RALGAPA1: variants seen among roughly 807,000 people sequenced by gnomAD.
The protein encoded by RALGAPA1 is Ral GTPase activating protein catalytic subunit alpha 1, also known as ral GTPase-activating protein subunit alpha-1.
RALGAPA1 carries 52 observed loss-of-function variants against 269.6 expected under a neutral mutation model. That is an observed-to-expected ratio of 0.19 (90% CI 0.15 to 0.24). RALGAPA1 has a LOEUF of 0.24. RALGAPA1 is among the 10% of genes least tolerant of loss of function. RALGAPA1 has a pLI of 1.00. For missense variants in RALGAPA1, 1,917 were observed against 3,013.9 expected, an observed-to-expected ratio of 0.64 and a Z score of 8.52; for synonymous variants, 817 against 1,008.3, an observed-to-expected ratio of 0.81 and a Z score of 3.60.
chr14:35,725,063 A>AT lies in RALGAPA1; in HGVS notation c.1826dup (p.Asn609LysfsTer36), dbSNP rs748033282. The AT allele has an allele frequency of 1.9e-5, 31 of 1,603,360 alleles. No individual in the cohort carries two copies. Among genetic ancestry groups the AT allele is most frequent in the Admixed American group, 8.5e-5 (5 of 58,738 alleles). Reference sequence around the variant, plus strand: ...CTGCAAGTCGACCTGCCAAGGTCATATTTTTTTTCCCTTGGAACTGTAGAA... The same window carrying AT: ...CTGCAAGTCGACCTGCCAAGGTCATATTTTTTTTTCCCTTGGAACTGTAGAA... On this transcript the variant is annotated frameshift_variant, in exon 14 of 42. Coordinates refer to ENST00000680220, the MANE Select transcript of RALGAPA1 (RefSeq NM_001346249.2). LOFTEE classifies it high-confidence loss of function.
chr14:35,583,801 T>G (rs1308461583), intron 37 of RALGAPA1, among the ~76,000 whole-genome samples: 1 of 152,138 alleles, frequency 6.6e-6, no homozygotes, highest in Non-Finnish European at 1.5e-5. Context: ...GAGTGAAATA[T>G]TTAAAGTATT....
At chr14:35,568,891 T>C (rs2056934317) in intron 39 of RALGAPA1, among the ~76,000 whole-genome samples, 1 of 152,236 alleles carries the variant, frequency 6.6e-6, no homozygotes, top group African/African-American at 2.4e-5. Flanking sequence ...TCTTTTCAAT[T>C]GATAAATCTC....
intron 37 of RALGAPA1, among the ~76,000 whole-genome samples, chr14:35,593,595 T>C (rs1457851297): frequency 3.3e-5 from 5 of 152,098 alleles, no homozygotes; most frequent in Admixed American, 2.6e-4. Flanking sequence ...CTGGGCACAG[T>C]GGCTTACACC....
intron 37 of RALGAPA1, among the ~76,000 whole-genome samples, chr14:35,574,622 T>C (rs1179937078): frequency 6.6e-6 from 1 of 152,186 alleles, no homozygotes; most frequent in Non-Finnish European, 1.5e-5. Context: ...TGTTTTTATA[T>C]CTTTAAAATC....
chr14:35,792,722 G>A (rs2076264215), intron 1 of RALGAPA1, among the ~76,000 whole-genome samples: 1 of 149,800 alleles, frequency 6.7e-6, no homozygotes, highest in Non-Finnish European at 1.5e-5. Flanking sequence ...AGTAGAGGTT[G>A]CAGTGAGCTC....
chr14:35,663,246 T>C (rs1014352180), intron 27 of RALGAPA1, among the ~76,000 whole-genome samples: 5 of 152,068 alleles, frequency 3.3e-5, no homozygotes, highest in African/African-American at 1.2e-4. Flanking sequence ...TAGGGTACGA[T>C]GATATAGCAA....
chr14:35,625,500 C>T lies in RALGAPA1; in HGVS notation c.6858-68G>A. The T allele has an allele frequency of 4.4e-6, 5 of 1,147,326 alleles. No individual in the cohort carries two copies. In the South Asian group the frequency reaches 5.8e-5, roughly 13 times the overall value. 71.1% of individuals were successfully genotyped at this position (1,147,326 alleles called of 1,614,324 possible). ...GAATGACAAGACAGTCCCGGAAATA[C>T]TTTCCACTCTACTCATGCAACTTTT... On this transcript the variant is annotated intron_variant, in intron 34 of 41. Coordinates refer to ENST00000680220, the MANE Select transcript of RALGAPA1 (RefSeq NM_001346249.2).
intron 26 of RALGAPA1, among the ~76,000 whole-genome samples, chr14:35,668,288 G>C (rs990080827): frequency 2.6e-5 from 4 of 152,168 alleles, no homozygotes; most frequent in Non-Finnish European, 5.9e-5. Flanking sequence ...TTCAAGACCA[G>C]CCTGGCCAAA....
At position 35,689,324 on chromosome 14, in the gene RALGAPA1, A is replaced by T; in HGVS notation, c.3087T>A (p.Phe1029Leu). The T allele has an allele frequency of 1.6e-6, 2 of 1,232,178 alleles. No individual in the cohort carries two copies. Among genetic ancestry groups the T allele is most frequent in the Non-Finnish European group, 2.0e-6 (2 of 988,018 alleles). 76.3% of individuals were successfully genotyped at this position (1,232,178 alleles called of 1,614,324 possible). ...NIAPNQSDSF[F>L]RTQTSEKSKQ... is the part of the protein sequence containing the mutation. ...TAGATTTTTCAGAAGTTTGTGTTCT[A>T]AAAAAACTGTCTGACTGGTTAGGTG... Residue 1029 changes from phenylalanine (F) to leucine (L), a missense_variant, in exon 18 of 42, where the codon TTT becomes TTA. Transcript: ENST00000680220.
intron 35 of RALGAPA1, among the ~76,000 whole-genome samples, chr14:35,609,092 T>TG (rs1043012498): frequency 2.0e-5 from 3 of 151,526 alleles, no homozygotes; most frequent in African/African-American, 7.3e-5. Context: ...CAGGCGTCGG[T>TG]GGGGGGTGCC....
intron 16 of RALGAPA1, among the ~76,000 whole-genome samples, chr14:35,720,124 T>A (rs973890938): frequency 6.6e-6 from 1 of 152,208 alleles, no homozygotes; most frequent in Non-Finnish European, 1.5e-5. Context: ...ATTTCAAATA[T>A]AATCATTTTC....
intron 1 of RALGAPA1, among the ~76,000 whole-genome samples, chr14:35,796,391 T>G (rs558237972): frequency 9.8e-5 from 15 of 152,302 alleles, no homozygotes; most frequent in African/African-American, 3.4e-4. Context: ...CTAATAATAC[T>G]TCTTACTAAT....
In RALGAPA1 at chr14:35,671,529, GA is replaced by G; in HGVS notation, c.5074-13del. On this transcript the variant is annotated splice_polypyrimidine_tract_variant and intron_variant, in intron 25 of 41. Transcript: ENST00000680220. ...GTATTGACAATATCCTTAGAATAAG[GA>G]AAGAAGGAAAAAAGAATATCACATA... 1 of 1,458,230 alleles carries G rather than the reference GA, an allele frequency of 6.9e-7. No individual in the cohort carries two copies. Among genetic ancestry groups the G allele is most frequent in the Non-Finnish European group, 9.6e-7 (1 of 1,046,560 alleles). 90.3% of individuals were successfully genotyped at this position (1,458,230 alleles called of 1,614,324 possible). A position where few individuals can be genotyped will look rare whatever the true frequency, so the allele number is the denominator to read the frequency against.
At chr14:35,781,719 G>A in intron 1 of RALGAPA1, among the ~76,000 whole-genome samples, 1 of 151,962 alleles carries the variant, frequency 6.6e-6, no homozygotes, top group Non-Finnish European at 1.5e-5. Context: ...TTAACATAAA[G>A]GTCAAAACTC....
At chr14:35,660,349 A>G (rs565185751) in intron 27 of RALGAPA1, among the ~76,000 whole-genome samples, 2 of 152,232 alleles carry the variant, frequency 1.3e-5, no homozygotes, top group South Asian at 4.1e-4. Flanking sequence ...TTGTGTTTCT[A>G]TACACTAACA....
chr14:35,640,462 C>A (rs1323952299), intron 31 of RALGAPA1, among the ~76,000 whole-genome samples: 1 of 152,130 alleles, frequency 6.6e-6, no homozygotes, highest in African/African-American at 2.4e-5. Context: ...CTATGAACAA[C>A]TATATGCCAA....
chr14:35,637,557 T>G (rs1014220028), intron 31 of RALGAPA1, among the ~76,000 whole-genome samples: 2 of 151,978 alleles, frequency 1.3e-5, no homozygotes, highest in South Asian at 2.1e-4. Context: ...GAAAAAAGAA[T>G]AAAACACACC....
intron 1 of RALGAPA1, among the ~76,000 whole-genome samples, chr14:35,806,275 T>A (rs1187511661): frequency 6.6e-6 from 1 of 152,146 alleles, no homozygotes; most frequent in African/African-American, 2.4e-5. Flanking sequence ...CAATACCCAC[T>A]ATATGCCAAG....
chr14:35,623,871 C>T (rs1262638948), intron 35 of RALGAPA1, among the ~76,000 whole-genome samples: 5 of 152,106 alleles, frequency 3.3e-5, no homozygotes, highest in African/African-American at 9.6e-5. Flanking sequence ...CGAGGTCAGG[C>T]GATCGAGACC....
Sources: allele counts gnomAD v4.1 joint callset (sites outside exome capture counted in the v4.1 genomes callset), GRCh38; gene constraint gnomAD v4.1.1; transcripts MANE v1.5; gene names NCBI Gene and HGNC (gene_info 2026-07-23, HGNC 2026-07-21).